Variants in NCALD observed in about 807,000 individuals in gnomAD.
NCALD encodes neurocalcin delta, also known as neurocalcin-delta.
NCALD carries 10 observed loss-of-function variants against 18.6 expected under a neutral mutation model. The observed-to-expected ratio is 0.54, with a 90% CI of 0.33 to 0.91. NCALD has a LOEUF of 0.91. Among genes scored for constraint, NCALD ranks in the 40% least tolerant of loss-of-function variants. The pLI is 0.03. For missense variants in NCALD, 184 were observed against 247.6 expected (o/e 0.74, Z 1.72); for synonymous variants, 88 against 87.4 (o/e 1.01, Z -0.04).
intron 2 of NCALD, among the ~76,000 whole-genome samples, chr8:101,984,799 T>C (rs1476957917): frequency 1.3e-5 from 2 of 152,170 alleles, no homozygotes; most frequent in Non-Finnish European, 2.9e-5. Context: ...TCACAGAGAA[T>C]GGTATTTAAT....
At chr8:102,026,169 C>T (rs1822448287) in intron 1 of NCALD, among the ~76,000 whole-genome samples, 5 of 152,116 alleles carry the variant, frequency 3.3e-5, no homozygotes, top group Admixed American at 3.3e-4. Flanking sequence ...ATCATTCTGC[C>T]CCTGGCCCTT....
At chr8:102,003,470 A>G (rs926353228) in intron 2 of NCALD, among the ~76,000 whole-genome samples, 1 of 152,234 alleles carries the variant, frequency 6.6e-6, no homozygotes, top group African/African-American at 2.4e-5. Flanking sequence ...AGCAGGTACC[A>G]TTCCTTCTGA....
At chr8:101,811,672 G>A (rs1004245231) in intron 4 of NCALD, among the ~76,000 whole-genome samples, 3 of 152,206 alleles carry the variant, frequency 2.0e-5, no homozygotes, top group Non-Finnish European at 4.4e-5. Flanking sequence ...AGTATCCCAA[G>A]AGAAGTACAG....
intron 2 of NCALD, 105 bp downstream of exon 2, chr8:101,719,147 G>C (rs1586295515): frequency 2.2e-6 from 3 of 1,361,834 alleles, no homozygotes; most frequent in East Asian, 4.6e-5. Flanking sequence ...GAAGTGTCCT[G>C]GTGACTCACC....
At chr8:101,825,207 T>C (rs1387786719) in intron 4 of NCALD, among the ~76,000 whole-genome samples, 1 of 152,170 alleles carries the variant, frequency 6.6e-6, no homozygotes, top group Non-Finnish European at 1.5e-5. Flanking sequence ...GAGCAGAAGG[T>C]TGGGTCTCGC....
intron 4 of NCALD, among the ~76,000 whole-genome samples, chr8:101,848,935 C>A (rs1469893500): frequency 1.3e-5 from 2 of 152,016 alleles, no homozygotes; most frequent in African/African-American, 4.8e-5. Context: ...GCACTATTCA[C>A]AATAGCAAAG....
At chr8:101,926,568 C>A (rs1818341876) in intron 2 of NCALD, among the ~76,000 whole-genome samples, 1 of 152,152 alleles carries the variant, frequency 6.6e-6, no homozygotes, top group East Asian at 1.9e-4. Flanking sequence ...AAAAATTTAA[C>A]CTCTTTAACT....
At chr8:101,876,401 C>T (rs1816227993) in intron 4 of NCALD, among the ~76,000 whole-genome samples, 1 of 152,322 alleles carries the variant, frequency 6.6e-6, no homozygotes, top group East Asian at 1.9e-4. Context: ...GACAACAAAA[C>T]AAATAGCCTG....
At chr8:101,804,560 A>G (rs1463973491) in intron 4 of NCALD, among the ~76,000 whole-genome samples, 1 of 122,176 alleles carries the variant, frequency 8.2e-6, no homozygotes, top group East Asian at 2.1e-4. Context: ...TTGATTATAT[A>G]ATATATAATT....
chr8:102,079,681 C>A (rs1824462235), intron 1 of NCALD, among the ~76,000 whole-genome samples: 1 of 152,220 alleles, frequency 6.6e-6, no homozygotes, highest in South Asian at 2.1e-4. Context: ...TGTATAGCAA[C>A]AACTGCTGTC....
intron 2 of NCALD, among the ~76,000 whole-genome samples, chr8:102,016,699 A>G (rs917060390): frequency 1.2e-4 from 19 of 152,350 alleles, no homozygotes; most frequent in African/African-American, 4.6e-4. Context: ...CCTTCATATC[A>G]ACAATCTTAC....
chr8:101,960,199 C>A (rs1236933446), intron 2 of NCALD, among the ~76,000 whole-genome samples: 3 of 152,130 alleles, frequency 2.0e-5, no homozygotes, highest in Non-Finnish European at 4.4e-5. Context: ...CCAGAGCCCA[C>A]CATACCATTC....
intron 4 of NCALD, among the ~76,000 whole-genome samples, chr8:101,886,673 A>G (rs1374343779): frequency 6.6e-6 from 1 of 152,168 alleles, no homozygotes; most frequent in Non-Finnish European, 1.5e-5. Context: ...TAATTATACT[A>G]TAATAGAATT....
intron 4 of NCALD, among the ~76,000 whole-genome samples, chr8:101,802,374 C>T (rs1317453021): frequency 2.6e-5 from 4 of 151,976 alleles, no homozygotes; most frequent in Non-Finnish European, 4.4e-5. Context: ...CCACAATGGC[C>T]TCTAAGAGTT....
At chr8:102,054,187 C>G (rs537029593) in intron 1 of NCALD, among the ~76,000 whole-genome samples, 14 of 152,270 alleles carry the variant, frequency 9.2e-5, no homozygotes, top group African/African-American at 3.4e-4. Context: ...GCCATTGTCT[C>G]AGGGGCAGGG....
At chr8:102,002,777 A>G (rs1202765836) in intron 2 of NCALD, among the ~76,000 whole-genome samples, 1 of 152,220 alleles carries the variant, frequency 6.6e-6, no homozygotes, top group Non-Finnish European at 1.5e-5. Context: ...CTGAATGACT[A>G]CTGTGTACAT....
At chr8:101,851,844 T>C (rs969290531) in intron 4 of NCALD, among the ~76,000 whole-genome samples, 1 of 152,154 alleles carries the variant, frequency 6.6e-6, no homozygotes, top group Non-Finnish European at 1.5e-5. Flanking sequence ...CCTTCCAAAA[T>C]TTATGTTAAA....
chr8:101,937,348 C>T (rs1252997621), intron 2 of NCALD, among the ~76,000 whole-genome samples: 4 of 152,124 alleles, frequency 2.6e-5, no homozygotes. Flanking sequence ...TCCCACCCTC[C>T]ACCCTCAAGT....
At chr8:101,772,955 TATATC>T (rs1442228737) in intron 1 of NCALD, among the ~76,000 whole-genome samples, 7 of 152,178 alleles carry the variant, frequency 4.6e-5, no homozygotes, top group African/African-American at 1.7e-4. Flanking sequence ...CCTAGTATAT[TATATC>T]ATATATTATC....
Sources: gnomAD v4.1 joint callset for allele counts (sites outside exome capture counted in the v4.1 genomes callset) on GRCh38, gnomAD v4.1.1 for gene constraint, MANE v1.5 for transcripts, NCBI Gene and HGNC (gene_info 2026-07-23, HGNC 2026-07-21) for gene names.